Variants in LRP1 observed in about 807,000 individuals in gnomAD.
LRP1 encodes prolow-density lipoprotein receptor-related protein 1.
Under a neutral mutation model 541.5 loss-of-function variants are expected in LRP1, and 51 were observed. The ratio of observed to expected loss-of-function variants is 0.09; its 90% CI spans 0.08 to 0.12. LRP1 has a LOEUF of 0.12. Among genes scored for constraint, LRP1 ranks in the 10% least tolerant of loss-of-function variants. The probability of loss-of-function intolerance (pLI) is 1.00; values close to 1 mark genes in which losing one functional copy is unlikely to be tolerated. For missense variants in LRP1, 3,878 were observed against 6,376.2 expected (o/e 0.61, Z 13.34); for synonymous variants, 2,219 against 2,470.8 (o/e 0.90, Z 3.02).
chr12:57,195,903 T>C lies in LRP1; in HGVS notation c.8601T>C (p.Asn2867=). ...TCGPSEFRCA[N]GRCLSSRQWE... ...GCCCCAGTGAGTTCCGCTGTGCCAA[T>C]GGGCGCTGTCTGAGCTCCCGCCAGT... The change falls in exon 54 of 89, where the codon AAT becomes AAC. Residue 2867 remains asparagine (N), a synonymous_variant. Transcript: ENST00000243077. 6.2e-7 allele frequency: 1 copy of C among 1,613,734 alleles called. No individual in the cohort carries two copies. The highest frequency in any genetic ancestry group is 8.5e-7 in the Non-Finnish European group (1 of 1,180,014).
At position 57,195,501 on chromosome 12, in the gene LRP1, G is replaced by A. The variant is rs574937147; in HGVS notation, c.8437+102G>A. On this transcript the variant is annotated intron_variant, in intron 52 of 88. Transcript: ENST00000243077. ...GCAGGAGAGGAAATGCCTCAGCGGG[G>A]TCCACTGGGGGCGGAGCCATAGCTG... 4,762 of 1,570,886 alleles carry A rather than the reference G, an allele frequency of 3.0e-3. 11 individuals carry two copies. Among genetic ancestry groups the A allele is most frequent in the Non-Finnish European group, 3.9e-3 (4,558 of 1,158,338 alleles).
At position 57,183,646 on chromosome 12, in the gene LRP1, T is replaced by A; in HGVS notation, c.5795-129T>A. On this transcript the variant is annotated intron_variant, in intron 35 of 88. Coordinates refer to ENST00000243077, the MANE Select transcript of LRP1 (RefSeq NM_002332.3). The surrounding 1 kb of genome is among the most constrained non-coding windows in gnomAD (Gnocchi z 6.1). The stretch of plus-strand genomic sequence containing the variant: ...CACTTGCTACAGCTGCCACCCTGAC[T>A]CCACCTCCCCTTCAAGCACCTGGCC... 1 of 1,485,948 alleles carries A rather than the reference T, an allele frequency of 6.7e-7. No individual in the cohort carries two copies. The highest frequency in any genetic ancestry group is 9.1e-7 in the Non-Finnish European group (1 of 1,098,724). 92.0% of individuals were successfully genotyped at this position (1,485,948 alleles called of 1,614,324 possible).
rs2036944865 is a variant in LRP1 at position 57,212,679 on chromosome 12, G to A, written c.*124G>A. 2.8e-6 allele frequency: 3 copies of A among 1,070,508 alleles called. No individual in the cohort carries two copies. Among genetic ancestry groups the A allele is most frequent in the Non-Finnish European group, 3.9e-6 (3 of 761,702 alleles). The allele number at this position is 1,070,508 out of a possible 1,614,324, so 66.3% of individuals were successfully genotyped here. Reference sequence around the variant, plus strand: ...CGGATGTATAAATGTAAAAATGAAGGAATTACATTTTATATGTGAGCGAGC... The same window carrying A: ...CGGATGTATAAATGTAAAAATGAAGAAATTACATTTTATATGTGAGCGAGC... On this transcript the variant is annotated 3_prime_UTR_variant, in exon 89 of 89. Coordinates refer to ENST00000243077, the MANE Select transcript of LRP1 (RefSeq NM_002332.3). This position sits in a 1 kb window ranked among gnomAD's most constrained non-coding sequence, Gnocchi z 5.0.
intron 47 of LRP1, 45 bp downstream of exon 47, chr12:57,193,730 G>A: frequency 6.2e-7 from 1 of 1,613,798 alleles, no homozygotes; most frequent in Non-Finnish European, 8.5e-7. Flanking sequence ...CTCAGTTCCT[G>A]CCCCACCCCT....
Position 57,212,877 on chromosome 12 carries a change from A to T in LRP1, c.*322A>T. ...GGTGGTGCAGCCTTCCCCTCCCTGT[A>T]TAAGACACTTTGCCAAGGCTCTCCC... On this transcript the variant is annotated 3_prime_UTR_variant, in exon 89 of 89. Transcript: ENST00000243077. This position sits in a 1 kb window ranked among gnomAD's most constrained non-coding sequence, Gnocchi z 5.0. 3.7e-6 allele frequency: 1 copy of T among 270,862 alleles called. No individual in the cohort carries two copies. The highest frequency in any genetic ancestry group is 7.0e-6 in the Non-Finnish European group (1 of 142,978). The allele number at this position is 270,862 out of a possible 1,614,324, so 16.8% of individuals were successfully genotyped here.
rs2035664572 is a variant in LRP1 at position 57,158,445 on chromosome 12, A to G, written c.1605A>G (p.Pro535=). 1.2e-6 allele frequency: 2 copies of G among 1,613,720 alleles called. No individual in the cohort carries two copies. The highest frequency in any genetic ancestry group is 8.5e-7 in the Non-Finnish European group (1 of 1,179,746). The part of the protein sequence containing the change: ...ELFLVYGKGR[P]GIIRGMDMGA... ...TCCTCGTGTATGGCAAGGGCCGGCC[A>G]GGCATCATCCGGGGCATGGATATGG... Residue 535 remains proline (P), a synonymous_variant, in exon 11 of 89, where the codon CCA becomes CCG. Coordinates refer to ENST00000243077, the MANE Select transcript of LRP1 (RefSeq NM_002332.3). This position sits in a 1 kb window ranked among gnomAD's most constrained non-coding sequence, Gnocchi z 5.3.
In LRP1 at chr12:57,154,959, C is replaced by A. The variant is rs1055245565; in HGVS notation, c.1227+258C>A. ...GTTTCTCATTTGACCCTTATAATAA[C>A]CCCTAGCTGATGAACAGGGAGGTGG... On this transcript the variant is annotated intron_variant, in intron 8 of 88. Coordinates refer to ENST00000243077, the MANE Select transcript of LRP1 (RefSeq NM_002332.3). This position sits in a 1 kb window ranked among gnomAD's most constrained non-coding sequence, Gnocchi z 4.6. 1.7e-6 allele frequency: 1 copy of A among 596,604 alleles called. No individual in the cohort carries two copies. The highest frequency in any genetic ancestry group is 1.9e-5 in the African/African-American group (1 of 53,822). The allele number at this position is 596,604 out of a possible 1,614,324, so 37.0% of individuals were successfully genotyped here. A position where few individuals can be genotyped will look rare whatever the true frequency, so the allele number is the denominator to read the frequency against.
In LRP1 at chr12:57,183,949, G is replaced by C. The variant is rs745829883; in HGVS notation, c.5929+40G>C. On this transcript the variant is annotated intron_variant, in intron 36 of 88. Transcript: ENST00000243077. This position sits in a 1 kb window ranked among gnomAD's most constrained non-coding sequence, Gnocchi z 6.1. ...GGTTTGTGGGGCTTGGGGTGTGGCA[G>C]AGGACTGGGGGACGAAGTGAGAGGA... 7.4e-6 allele frequency: 12 copies of C among 1,612,614 alleles called. No individual in the cohort carries two copies. The highest frequency in any genetic ancestry group is 1.0e-5 in the Non-Finnish European group (12 of 1,178,990).
intron 6 of LRP1, among the ~76,000 whole-genome samples, chr12:57,153,752 C>G (rs1188728137): frequency 6.6e-6 from 1 of 152,144 alleles, no homozygotes; most frequent in Non-Finnish European, 1.5e-5. Context: ...TGCTTTTCCA[C>G]TTTAAAAATT....
Position 57,176,125 on chromosome 12 carries a change from C to G in LRP1, c.3991+19C>G, listed in dbSNP as rs2036042158. 1 of 1,613,084 alleles carries G rather than the reference C, an allele frequency of 6.2e-7. No homozygotes were observed. On this transcript the variant is annotated intron_variant, in intron 24 of 88. Coordinates refer to ENST00000243077, the MANE Select transcript of LRP1 (RefSeq NM_002332.3). ...AACGGAGGTGACCACCGATTGCTGC[C>G]AGGCAGGATGCACACAGGCGGAGCG...
At chr12:57,142,508 G>A (rs2035314803) in intron 3 of LRP1, among the ~76,000 whole-genome samples, 2 of 152,142 alleles carry the variant, frequency 1.3e-5, no homozygotes, top group Admixed American at 6.5e-5. Context: ...TTCATCTGAA[G>A]CTCCTGGGAC....
In LRP1 at chr12:57,202,543, T is replaced by TGGGGGCCCCCCCCCCCCCCCC; in HGVS notation, c.10711+6_10711+7insGGGGGCCCCCCCCCCCCCCCC. ...CTCCGATGAAGAGAGCTGCAGTACG[T>TGGGGGCCCCCCCCCCCCCCCC]CCCCACCCACCCAGCCCCGCATGAG... On this transcript the variant is annotated splice_region_variant and intron_variant, in intron 68 of 88. Coordinates refer to ENST00000243077, the MANE Select transcript of LRP1 (RefSeq NM_002332.3). 2.0e-6 allele frequency: 3 copies of TGGGGGCCCCCCCCCCCCCCCC among 1,523,620 alleles called. No homozygotes were observed. The highest frequency in any genetic ancestry group is 2.7e-6 in the Non-Finnish European group (3 of 1,124,802). The allele number at this position is 1,523,620 out of a possible 1,614,324, so 94.4% of individuals were successfully genotyped here. A position where few individuals can be genotyped will look rare whatever the true frequency, so the allele number is the denominator to read the frequency against.
At position 57,173,724 on chromosome 12, in the gene LRP1, G is replaced by A. The variant is rs1248151097; in HGVS notation, c.3347-56G>A. On this transcript the variant is annotated intron_variant, in intron 21 of 88. Coordinates refer to ENST00000243077, the MANE Select transcript of LRP1 (RefSeq NM_002332.3). The surrounding 1 kb of genome is among the most constrained non-coding windows in gnomAD (Gnocchi z 4.7). ...GAAGCCCACAGGGTCTGGAAGGAAGGGCAGGGGGAGCCCCAGTCCCCGGGC... is the reference window on the plus strand; with the variant it reads ...GAAGCCCACAGGGTCTGGAAGGAAGAGCAGGGGGAGCCCCAGTCCCCGGGC... 5 of 1,577,138 alleles carry A rather than the reference G, an allele frequency of 3.2e-6. No homozygotes were observed. Among genetic ancestry groups the A allele is most frequent in the Non-Finnish European group, 4.4e-6 (5 of 1,147,116 alleles).
rs775104698 is a variant in LRP1 at position 57,199,929 on chromosome 12, G to A, written c.9918G>A (p.Leu3306=). Residue 3306 remains leucine (L), a synonymous_variant, in exon 62 of 89, where the codon CTG becomes CTA. Transcript: ENST00000243077. ...VNNGGCSNLC[L]LSPGGGHKCA... ...ATGGTGGCTGCAGCAACCTGTGCCTGCTGTCCCCCGGGGGAGGGCACAAAT... is the reference window on the plus strand; with the variant it reads ...ATGGTGGCTGCAGCAACCTGTGCCTACTGTCCCCCGGGGGAGGGCACAAAT... The A allele has an allele frequency of 2.5e-6, 4 of 1,596,452 alleles. No homozygotes were observed. The East Asian group carries it at 9.1e-5, about 36-fold the overall frequency.
At position 57,204,766 on chromosome 12, in the gene LRP1, C is replaced by T. The variant is rs538624480; in HGVS notation, c.11194+17C>T. 189 of 1,613,402 alleles carry T rather than the reference C, an allele frequency of 1.2e-4. 5 individuals carry two copies. In the South Asian group the frequency reaches 1.8e-3, roughly 15 times the overall value. ...AGGACTGTGGTGAGCAGGGGGCCGA[C>T]GAGAGGCCTGCAGGGGACGGGTAGT... On this transcript the variant is annotated intron_variant, in intron 72 of 88. Transcript: ENST00000243077. This position sits in a 1 kb window ranked among gnomAD's most constrained non-coding sequence, Gnocchi z 5.3.
rs1044208368 is a variant in LRP1, at chr12:57,208,649, T to C, written c.12039-62T>C. 7 of 1,015,762 alleles carry C rather than the reference T, an allele frequency of 6.9e-6. No homozygotes were observed. In the East Asian group the frequency reaches 1.4e-4, roughly 21 times the overall value. The allele number at this position is 1,015,762 out of a possible 1,614,324, so 62.9% of individuals were successfully genotyped here. Reference sequence around the variant, plus strand: ...TCCCCAGACCAAGAAGCTGGTGTCCTGCCTGGGCCTGCCTCCTCTGGCCCT... The same window carrying C: ...TCCCCAGACCAAGAAGCTGGTGTCCCGCCTGGGCCTGCCTCCTCTGGCCCT... On this transcript the variant is annotated intron_variant, in intron 77 of 88. Coordinates refer to ENST00000243077, the MANE Select transcript of LRP1 (RefSeq NM_002332.3).
intron 2 of LRP1, among the ~76,000 whole-genome samples, chr12:57,140,764 G>A (rs529320838): frequency 2.6e-5 from 4 of 152,118 alleles, no homozygotes; most frequent in South Asian, 2.1e-4. Context: ...GACAGATCTC[G>A]CTCTGTCGCC....
intron 6 of LRP1, chr12:57,149,296 G>T (rs1355754103): frequency 2.3e-6 from 1 of 437,048 alleles, no homozygotes; most frequent in Non-Finnish European, 4.0e-6. Flanking sequence ...CTGCATCCTG[G>T]CACTTTTGCT....
In LRP1 at chr12:57,159,816, C is replaced by A; in HGVS notation, c.1799-9C>A. The A allele has an allele frequency of 5.0e-6, 8 of 1,613,644 alleles. No homozygotes were observed. The highest frequency in any genetic ancestry group is 5.9e-6 in the Non-Finnish European group (7 of 1,179,558). ...AGCTGTTCATCACTGGTCCCTCTTC[C>A]CCCAACAGGCATCCACAATGTGGAG... On this transcript the variant is annotated splice_polypyrimidine_tract_variant and intron_variant, in intron 11 of 88. Transcript: ENST00000243077.
Sources: gnomAD v4.1 joint callset for allele counts (sites outside exome capture counted in the v4.1 genomes callset) on GRCh38, gnomAD v4.1.1 for gene constraint, Gnocchi (gnomAD v3.1) non-coding constraint, MANE v1.5 for transcripts, NCBI Gene and HGNC (gene_info 2026-07-23, HGNC 2026-07-21) for gene names.